The following CXADR variants were observed in gnomAD, a reference collection of about 807,000 sequenced individuals.
CXADR encodes CXADR cell adhesion molecule.
Under a neutral mutation model 40.3 loss-of-function variants are expected in CXADR, and 20 were observed. That is an observed-to-expected ratio of 0.50 (90% CI 0.35 to 0.72). The LOEUF (loss-of-function observed/expected upper bound fraction) is 0.72, where lower values mean the gene tolerates loss of function less well. Among genes scored for constraint, CXADR ranks in the 30% least tolerant of loss-of-function variants. CXADR has a pLI of 0.01. For synonymous variants in CXADR, 150 were observed against 161.3 expected (o/e 0.93, Z 0.53); for missense variants, 332 against 449.1 (o/e 0.74, Z 2.36).
intron 7 of CXADR, chr21:17,593,123 T>G (rs750342327): frequency 2.2e-6 from 3 of 1,390,462 alleles, no homozygotes; most frequent in Non-Finnish European, 2.8e-6. Flanking sequence ...AAAACTCTTA[T>G]AGAGATATCT....
the CXADR span, chr21:17,633,055 A>G: frequency 6.6e-6 from 1 of 152,122 alleles, no homozygotes; most frequent in African/African-American, 2.4e-5. Flanking sequence ...GCTCTATAGC[A>G]TGTTGAACAC....
Position 17,566,055 on chromosome 21 carries a change from A to C in CXADR, c.*363A>C. ...AAGTTGATACTTGAATAACCATCTG[A>C]AAGTGGTACTTGATCATTTTTACCA... On this transcript the variant is annotated 3_prime_UTR_variant, in exon 7 of 7. Coordinates refer to ENST00000284878, the MANE Select transcript of CXADR (RefSeq NM_001338.5). The C allele has an allele frequency of 2.0e-6, 2 of 994,880 alleles. No homozygotes were observed. The highest frequency in any genetic ancestry group is 2.4e-6 in the Non-Finnish European group (2 of 836,270). The allele number at this position is 994,880 out of a possible 1,614,324, so 61.6% of individuals were successfully genotyped here.
chr21:17,536,196 G>C (rs1278690823), intron 1 of CXADR, among the ~76,000 whole-genome samples: 1 of 152,120 alleles, frequency 6.6e-6, no homozygotes, highest in Non-Finnish European at 1.5e-5. Flanking sequence ...ACGTAGTTGT[G>C]ATTTTAGAGT....
intron 5 of CXADR, among the ~76,000 whole-genome samples, 196 bp downstream of exon 5, chr21:17,561,020 T>C (rs2061111563): frequency 6.6e-6 from 1 of 152,210 alleles, no homozygotes; most frequent in African/African-American, 2.4e-5. Flanking sequence ...ATTAAGAAGG[T>C]AAGAGTTGTC....
the CXADR span, among the ~76,000 whole-genome samples, chr21:17,634,990 T>G: frequency 6.6e-6 from 1 of 152,232 alleles, no homozygotes; most frequent in African/African-American, 2.4e-5. Flanking sequence ...TCCTTGGACA[T>G]AATCCCATGG....
intron 7 of CXADR, among the ~76,000 whole-genome samples, chr21:17,583,375 C>T (rs78148118): frequency 0.11 from 16,316 of 152,144 alleles, 1,252 homozygotes; most frequent in African/African-American, 0.22. Context: ...AAAACAGAAA[C>T]GTCCATAGGC....
In CXADR at chr21:17,568,952, T is replaced by TA. The variant is rs1473513092; in HGVS notation, c.*3261dup. ...GAAAAAATCCAAATCACTATCCATA[T>TA]AGATCATGGATATAAAGAGATACCT... On this transcript the variant is annotated 3_prime_UTR_variant, in exon 7 of 7. Transcript: ENST00000284878. 1.0e-6 allele frequency: 1 copy of TA among 980,286 alleles called. No individual in the cohort carries two copies. Among genetic ancestry groups the TA allele is most frequent in the Non-Finnish European group, 1.2e-6 (1 of 825,358 alleles). The allele number at this position is 980,286 out of a possible 1,614,324, so 60.7% of individuals were successfully genotyped here.
downstream of CXADR, chr21:17,594,451 C>T (rs2061477692): frequency 3.4e-6 from 4 of 1,177,518 alleles, no homozygotes; most frequent in Non-Finnish European, 4.8e-6. Context: ...CTAAGTGACA[C>T]TCCTATTGTC....
At chr21:17,604,182 G>A in the CXADR span, 3 of 1,256,240 alleles carry the variant, frequency 2.4e-6, no homozygotes, top group South Asian at 2.6e-5. Flanking sequence ...AGTGGCTCAC[G>A]CCTGTAATCC....
chr21:17,552,778 G>C (rs1390151533), intron 3 of CXADR, among the ~76,000 whole-genome samples: 1 of 152,170 alleles, frequency 6.6e-6, no homozygotes, highest in African/African-American at 2.4e-5. Context: ...AAAAGCTGAT[G>C]CTAGAATTGT....
At chr21:17,626,806 A>T in the CXADR span, 1 of 152,236 alleles carries the variant, frequency 6.6e-6, no homozygotes, top group Non-Finnish European at 1.5e-5. Flanking sequence ...TAATGACAAA[A>T]GCTGTGCTGA....
chr21:17,598,338 A>G (rs559652740), downstream of CXADR, among the ~76,000 whole-genome samples: 579 of 152,356 alleles, frequency 3.8e-3, 5 homozygotes, highest in Non-Finnish European at 6.7e-3. Context: ...AGATTTTAAA[A>G]TATCAGGAAT....
At chr21:17,591,687 A>G (rs1380536217) in intron 7 of CXADR, among the ~76,000 whole-genome samples, 1 of 152,004 alleles carries the variant, frequency 6.6e-6, no homozygotes, top group Admixed American at 6.6e-5. Flanking sequence ...AAAATGGAGA[A>G]TTTAAACAAA....
rs2061073570 is a variant in CXADR, at chr21:17,559,141, A to T, written c.571+10A>T. 6.2e-7 allele frequency: 1 copy of T among 1,613,720 alleles called. No homozygotes were observed. Among genetic ancestry groups the T allele is most frequent in the Non-Finnish European group, 8.5e-7 (1 of 1,179,858 alleles). On this transcript the variant is annotated intron_variant, in intron 4 of 6. Coordinates refer to ENST00000284878, the MANE Select transcript of CXADR (RefSeq NM_001338.5). ...ACTTCATGGTTAGCAGGTACTGCTG[A>T]TAATAGTATTTGTACCACATGCCAT...
At chr21:17,615,641 A>C in the CXADR span, among the ~76,000 whole-genome samples, 1 of 152,344 alleles carries the variant, frequency 6.6e-6, no homozygotes, top group African/African-American at 2.4e-5. Flanking sequence ...GAAACCAGGG[A>C]TAAGAGGGAA....
chr21:17,528,292 T>C (rs1037980936), intron 1 of CXADR, among the ~76,000 whole-genome samples: 9 of 152,030 alleles, frequency 5.9e-5, no homozygotes, highest in African/African-American at 2.2e-4. Context: ...TCCAGGATGG[T>C]CTCAATTTCC....
intron 1 of CXADR, among the ~76,000 whole-genome samples, chr21:17,520,169 G>GTAC (rs1452285380): frequency 6.6e-6 from 1 of 152,054 alleles, no homozygotes; most frequent in African/African-American, 2.4e-5. Flanking sequence ...GATACTTAAT[G>GTAC]TACTGATACT....
chr21:17,527,289 T>C (rs1031389793), intron 1 of CXADR: 3 of 152,204 alleles, frequency 2.0e-5, no homozygotes, highest in African/African-American at 7.2e-5. Context: ...ATTTGAACGC[T>C]CCCCCAAGTT....
At chr21:17,616,067 A>G in the CXADR span, among the ~76,000 whole-genome samples, 24,548 of 151,928 alleles carry the variant, frequency 0.16, 2,134 homozygotes, top group Middle Eastern at 0.24. Flanking sequence ...CCTGGCCAAC[A>G]TGGTGAAACC....
Sources: gnomAD v4.1 joint callset for allele counts (sites outside exome capture counted in the v4.1 genomes callset) on GRCh38, gnomAD v4.1.1 for gene constraint, MANE v1.5 for transcripts, NCBI Gene and HGNC (gene_info 2026-07-23, HGNC 2026-07-21) for gene names.